SYT17: variants seen among roughly 807,000 people sequenced by gnomAD.
SYT17 encodes the protein synaptotagmin 17.
A neutral mutation model predicts 46.7 loss-of-function variants in SYT17; 22 were observed. That is an observed-to-expected ratio of 0.47 (90% CI 0.34 to 0.67). SYT17 has a LOEUF of 0.67. Among genes scored for constraint, SYT17 ranks in the 30% least tolerant of loss-of-function variants. The pLI, the probability that SYT17 is intolerant of heterozygous loss-of-function variation, is 0.01. For synonymous variants in SYT17, 251 were observed against 248.4 expected, an observed-to-expected ratio of 1.01 and a Z score of -0.10; for missense variants, 519 against 612.8, an observed-to-expected ratio of 0.85 and a Z score of 1.62.
chr16:19,180,388 T>C lies in SYT17; in HGVS notation c.183-3T>C, dbSNP rs1207946846. 3 of 1,614,002 alleles carry C rather than the reference T, an allele frequency of 1.9e-6. No homozygotes were observed. The highest frequency in any genetic ancestry group is 1.1e-5 in the South Asian group (1 of 91,076). On this transcript the variant is annotated splice_polypyrimidine_tract_variant and splice_region_variant and intron_variant, in intron 3 of 7. Coordinates refer to ENST00000355377, the MANE Select transcript of SYT17 (RefSeq NM_016524.4). ...GCTACTGAGACCTCTTCCCTTCCTA[T>C]AGGATGGCCAGCCGGAGCAGTGACA... is the stretch of plus-strand genomic sequence containing the variant.
At chr16:19,178,488 C>T (rs533048440) in intron 3 of SYT17, among the ~76,000 whole-genome samples, 8 of 152,064 alleles carry the variant, frequency 5.3e-5, no homozygotes, top group East Asian at 1.9e-4. Context: ...GATGGGGTTT[C>T]GCCATGTCGG....
chr16:19,227,324 C>CTTTTTTTTT (rs33936912), intron 7 of SYT17, among the ~76,000 whole-genome samples: 1 of 143,034 alleles, frequency 7.0e-6, no homozygotes, highest in Non-Finnish European at 1.5e-5. Flanking sequence ...CTTCTCCCCG[C>CTTTTTTTTT]TTTTTTTTTT....
intron 5 of SYT17, among the ~76,000 whole-genome samples, chr16:19,193,478 A>T (rs143730747): frequency 3.3e-5 from 5 of 152,342 alleles, no homozygotes; most frequent in African/African-American, 1.2e-4. Flanking sequence ...CCCAAATGAA[A>T]GCCTTTTAGA....
At chr16:19,239,299 A>T (rs1966917006) in intron 7 of SYT17, among the ~76,000 whole-genome samples, 1 of 151,966 alleles carries the variant, frequency 6.6e-6, no homozygotes, top group South Asian at 2.1e-4. Flanking sequence ...TTAATTAATT[A>T]ATTAAACATT....
In SYT17 at chr16:19,267,784, G is replaced by T. The variant is rs954915613; in HGVS notation, c.*708G>T. 1.3e-5 allele frequency: 2 copies of T among 152,222 alleles called. No individual in the cohort carries two copies. Among genetic ancestry groups the T allele is most frequent in the African/African-American group, 4.8e-5 (2 of 41,448 alleles). The allele number at this position is 152,222 out of a possible 1,614,324, so 9.4% of individuals were successfully genotyped here. On this transcript the variant is annotated 3_prime_UTR_variant, in exon 8 of 8. Coordinates refer to ENST00000355377, the MANE Select transcript of SYT17 (RefSeq NM_016524.4). Reference sequence around the variant, plus strand: ...ATGTCCTCGTGCATGTGCCCTCACAGGCGAACACGTGTGTGCCTATGTGTC... The same window carrying T: ...ATGTCCTCGTGCATGTGCCCTCACATGCGAACACGTGTGTGCCTATGTGTC...
chr16:19,216,446 A>G (rs187902886), intron 5 of SYT17, among the ~76,000 whole-genome samples: 1 of 150,662 alleles, frequency 6.6e-6, no homozygotes, highest in East Asian at 2.0e-4. Flanking sequence ...GGTTTGTTAC[A>G]TAGGTATACA....
At chr16:19,265,828 T>C (rs951988789) in intron 7 of SYT17, among the ~76,000 whole-genome samples, 12 of 152,148 alleles carry the variant, frequency 7.9e-5, no homozygotes, top group Admixed American at 2.6e-4. Flanking sequence ...CAAATTAAGC[T>C]GAAGTTGGGA....
intron 5 of SYT17, among the ~76,000 whole-genome samples, chr16:19,209,581 A>T (rs1965811568): frequency 6.6e-6 from 1 of 152,148 alleles, no homozygotes; most frequent in South Asian, 2.1e-4. Flanking sequence ...ATAGAAAGTC[A>T]ACATTTCGGC....
intron 7 of SYT17, among the ~76,000 whole-genome samples, chr16:19,244,461 G>A (rs1597013491): frequency 6.6e-6 from 1 of 152,244 alleles, no homozygotes; most frequent in Non-Finnish European, 1.5e-5. Flanking sequence ...TGTGTCCTGA[G>A]TAGCTGGGAC....
intron 5 of SYT17, among the ~76,000 whole-genome samples, chr16:19,214,356 A>G (rs1428622213): frequency 1.3e-5 from 2 of 151,580 alleles, no homozygotes; most frequent in Non-Finnish European, 2.9e-5. Context: ...TAAATTAGAG[A>G]CCATGTGTTG....
chr16:19,242,701 CT>C (rs1030090048), intron 7 of SYT17, among the ~76,000 whole-genome samples: 2 of 151,484 alleles, frequency 1.3e-5, no homozygotes, highest in African/African-American at 2.4e-5. Flanking sequence ...AATTTTTGTA[CT>C]TTTTTTTGTA....
chr16:19,228,115 G>A (rs1275769896), intron 7 of SYT17, among the ~76,000 whole-genome samples: 1 of 152,168 alleles, frequency 6.6e-6, no homozygotes, highest in Non-Finnish European at 1.5e-5. Flanking sequence ...ATACATGGAA[G>A]TATGGAAAAT....
chr16:19,235,621 T>C (rs867160500), intron 7 of SYT17, among the ~76,000 whole-genome samples: 1 of 152,172 alleles, frequency 6.6e-6, no homozygotes, highest in Non-Finnish European at 1.5e-5. Context: ...ATGGCCCAGA[T>C]GTTGGAATTA....
At chr16:19,242,829 T>G in intron 7 of SYT17, among the ~76,000 whole-genome samples, 1 of 152,076 alleles carries the variant, frequency 6.6e-6, no homozygotes. Flanking sequence ...ACACCCAGCC[T>G]TAGATGGTGA....
chr16:19,236,057 AC>A (rs1405626702), intron 7 of SYT17, among the ~76,000 whole-genome samples: 4 of 151,750 alleles, frequency 2.6e-5, no homozygotes, highest in Non-Finnish European at 5.9e-5. Context: ...CAGGCGACTC[AC>A]CCCAGACAAC....
In SYT17 at chr16:19,267,303, G is replaced by A. The variant is rs7197580; in HGVS notation, c.*227G>A. The A allele has an allele frequency of 0.52, 221,814 of 425,706 alleles. 62,807 individuals carry two copies. The highest frequency in any genetic ancestry group is 0.98 in the East Asian group (25,404 of 25,946). 26.4% of individuals were successfully genotyped at this position (425,706 alleles called of 1,614,324 possible). The stretch of plus-strand genomic sequence containing the variant: ...GTTGAGTGAGGCCTAGGAACTTTCC[G>A]GAAGCCCCATCCATAGATCACAAGC... On this transcript the variant is annotated 3_prime_UTR_variant, in exon 8 of 8. Coordinates refer to ENST00000355377, the MANE Select transcript of SYT17 (RefSeq NM_016524.4).
intron 7 of SYT17, among the ~76,000 whole-genome samples, chr16:19,230,852 T>C (rs1021831818): frequency 2.0e-5 from 3 of 152,134 alleles, no homozygotes; most frequent in African/African-American, 7.2e-5. Flanking sequence ...AATGGGTAAA[T>C]AGACATAAAG....
At chr16:19,214,431 C>T (rs1293590125) in intron 5 of SYT17, among the ~76,000 whole-genome samples, 3 of 151,604 alleles carry the variant, frequency 2.0e-5, no homozygotes, top group African/African-American at 7.3e-5. Context: ...AACTCCTGGG[C>T]TCAATTGATC....
intron 5 of SYT17, among the ~76,000 whole-genome samples, chr16:19,217,257 A>C (rs1156742219): frequency 6.6e-6 from 1 of 152,132 alleles, no homozygotes; most frequent in South Asian, 2.1e-4. Context: ...GTGGTGTGCA[A>C]CCATCACCTC....
Sources: allele counts gnomAD v4.1 joint callset (sites outside exome capture counted in the v4.1 genomes callset), GRCh38; gene constraint gnomAD v4.1.1; transcripts MANE v1.5; gene names NCBI Gene and HGNC (gene_info 2026-07-23, HGNC 2026-07-21).